MOK: variants seen among roughly 807,000 people sequenced by gnomAD.
MOK encodes MOK protein kinase.
In MOK, 59 loss-of-function variants were observed where a neutral mutation model predicts 54.2. That is an observed-to-expected ratio of 1.09 (90% CI 0.88 to 1.35). MOK has a LOEUF of 1.35. Ranked by LOEUF, MOK falls within the 40% of genes most tolerant of loss-of-function variation. The pLI is 0.00. For missense variants in MOK, 517 were observed against 526.2 expected, an observed-to-expected ratio of 0.98 and a Z score of 0.17; for synonymous variants, 210 against 202.7, an observed-to-expected ratio of 1.04 and a Z score of -0.31.
the MOK span, among the ~76,000 whole-genome samples, chr14:102,218,440 T>A: frequency 2.0e-5 from 3 of 152,234 alleles, no homozygotes; most frequent in Non-Finnish European, 1.5e-5. Context: ...TTCTCTGACG[T>A]GGCCTGTGGC....
rs1567141560 is a variant in MOK at position 102,235,289 on chromosome 14, A to G, written c.591-1500T>C. On this transcript the variant is annotated intron_variant, in intron 7 of 11. Transcript: ENST00000361847. This position sits in a 1 kb window ranked among gnomAD's most constrained non-coding sequence, Gnocchi z 4.4. ...CCTCTCTAATGTTTCCCAAATTGAGAAACGTCCAGGTTCTTCTCCGATCCC... is the reference window on the plus strand; with the variant it reads ...CCTCTCTAATGTTTCCCAAATTGAGGAACGTCCAGGTTCTTCTCCGATCCC... The G allele has an allele frequency of 2.0e-5, 3 of 152,284 alleles. No homozygotes were observed. The highest frequency in any genetic ancestry group is 4.4e-5 in the Non-Finnish European group (3 of 68,060). The allele number at this position is 152,284 out of a possible 1,614,324, so 9.4% of individuals were successfully genotyped here.
chr14:102,218,499 G>A, the MOK span, among the ~76,000 whole-genome samples: 2 of 152,268 alleles, frequency 1.3e-5, no homozygotes, highest in African/African-American at 4.8e-5. Flanking sequence ...AGCAGCACCT[G>A]CAGGGGCAGG....
In MOK at chr14:102,235,836, C is replaced by G. The variant is rs2065174289; in HGVS notation, c.591-2047G>C. Among the ~76,000 whole-genome samples the G allele has an allele frequency of 6.6e-6, 1 of 152,158 alleles. No individual in the cohort carries two copies. Among genetic ancestry groups the G allele is most frequent in the Non-Finnish European group, 1.5e-5 (1 of 68,024 alleles). On this transcript the variant is annotated intron_variant, in intron 7 of 11. Coordinates refer to ENST00000361847, the MANE Select transcript of MOK (RefSeq NM_014226.3). The surrounding 1 kb of genome is among the most constrained non-coding windows in gnomAD (Gnocchi z 4.4). ...CCCCTCAGACCCCACAACGAGACCT[C>G]CTTAACTTGGCTTTCAAAGTCTTTA...
In MOK at chr14:102,232,867, CCT is replaced by C. The variant is rs2064861253; in HGVS notation, c.693-161_693-160del. ...AGAACGTGCACCACCAAGAGGGACCCCTGATGTAAATGATGGGCTCTGTGTAG... is the reference window on the plus strand; with the variant it reads ...AGAACGTGCACCACCAAGAGGGACCCGATGTAAATGATGGGCTCTGTGTAG... On this transcript the variant is annotated intron_variant, in intron 8 of 11. Transcript: ENST00000361847. This position sits in a 1 kb window ranked among gnomAD's most constrained non-coding sequence, Gnocchi z 5.1. 4 of 586,924 alleles carry C rather than the reference CCT, an allele frequency of 6.8e-6. No individual in the cohort carries two copies. In the Admixed American group the frequency reaches 9.4e-5, roughly 14 times the overall value. The allele number at this position is 586,924 out of a possible 1,614,324, so 36.4% of individuals were successfully genotyped here.
At chr14:102,267,404 A>G (rs1480415334) in intron 2 of MOK, among the ~76,000 whole-genome samples, 1 of 152,122 alleles carries the variant, frequency 6.6e-6, no homozygotes, top group African/African-American at 2.4e-5. Context: ...CGTCTCTACT[A>G]AAAATACAAA....
chr14:102,281,512 A>G (rs184837233), intron 2 of MOK, among the ~76,000 whole-genome samples: 7,955 of 150,580 alleles, frequency 0.053, 281 homozygotes, highest in African/African-American at 0.097. Flanking sequence ...AAAAAAAAAA[A>G]AAAAGAAAAA....
At chr14:102,298,048 A>G (rs2071651572) in intron 1 of MOK, among the ~76,000 whole-genome samples, 1 of 152,134 alleles carries the variant, frequency 6.6e-6, no homozygotes, top group East Asian at 1.9e-4. Flanking sequence ...CAGTCCCATC[A>G]ACTGCCCAAG....
chr14:102,226,229 T>G (rs1434337091), downstream of MOK: 3 of 644,790 alleles, frequency 4.7e-6, no homozygotes, highest in East Asian at 2.7e-5. The surrounding 1 kb of genome is among the most constrained non-coding windows in gnomAD (Gnocchi z 4.8). Flanking sequence ...CCCCTGTGCT[T>G]CTGCCCGGTG....
intron 2 of MOK, among the ~76,000 whole-genome samples, chr14:102,276,463 C>A (rs547685994): frequency 6.6e-6 from 1 of 151,226 alleles, no homozygotes; most frequent in East Asian, 1.9e-4. Flanking sequence ...GGTGATAGAG[C>A]GACACTCTGT....
intron 2 of MOK, chr14:102,280,610 A>G (rs1438018630): frequency 6.6e-6 from 1 of 152,264 alleles, no homozygotes; most frequent in East Asian, 1.9e-4. Context: ...TACAGTAAGG[A>G]AGGCCAGCAT....
rs907063781 is a variant in MOK at position 102,230,293 on chromosome 14, C to T, written c.982-636G>A. The T allele has an allele frequency of 1.2e-4, 19 of 152,748 alleles. No homozygotes were observed. Among genetic ancestry groups the T allele is most frequent in the Admixed American group, 1.1e-3 (17 of 15,348 alleles). The allele number at this position is 152,748 out of a possible 1,614,324, so 9.5% of individuals were successfully genotyped here. ...AAACTCCTGGCCTCAAGTGATCCTA[C>T]CCTGGCCTCCCTAAGCACTGGGTTT... On this transcript the variant is annotated intron_variant, in intron 10 of 11. Coordinates refer to ENST00000361847, the MANE Select transcript of MOK (RefSeq NM_014226.3). The surrounding 1 kb of genome is among the most constrained non-coding windows in gnomAD (Gnocchi z 4.1).
At chr14:102,293,599 G>A (rs980639359) in intron 1 of MOK, among the ~76,000 whole-genome samples, 1 of 149,888 alleles carries the variant, frequency 6.7e-6, no homozygotes, top group Non-Finnish European at 1.5e-5. Context: ...TCGGGAGGCT[G>A]AGGCAGGAGA....
downstream of MOK, among the ~76,000 whole-genome samples, chr14:102,221,771 A>C (rs908322578): frequency 6.6e-6 from 1 of 152,146 alleles, no homozygotes. The surrounding 1 kb of genome is among the most constrained non-coding windows in gnomAD (Gnocchi z 4.8). Context: ...ATTTGTGTCC[A>C]CACAAGTCCA....
At chr14:102,266,622 G>A (rs1289901823) in intron 2 of MOK, among the ~76,000 whole-genome samples, 2 of 150,684 alleles carry the variant, frequency 1.3e-5, no homozygotes, top group Non-Finnish European at 3.0e-5. Context: ...CTCTCTTGTT[G>A]CCCAGGCTGG....
intron 2 of MOK, among the ~76,000 whole-genome samples, chr14:102,282,968 C>T (rs778664467): frequency 1.9e-4 from 28 of 148,118 alleles, no homozygotes; most frequent in Non-Finnish European, 3.6e-4. Flanking sequence ...TCACGAGAAT[C>T]GCTTGAACTG....
chr14:102,250,082 T>G (rs563376664), intron 7 of MOK, among the ~76,000 whole-genome samples: 1 of 152,278 alleles, frequency 6.6e-6, no homozygotes, highest in Non-Finnish European at 1.5e-5. Flanking sequence ...CTTTCCAAAA[T>G]GAAAAGTTAC....
intron 7 of MOK, among the ~76,000 whole-genome samples, chr14:102,234,552 C>T (rs1056534929): frequency 3.8e-4 from 58 of 152,108 alleles, no homozygotes; most frequent in African/African-American, 9.7e-4. Flanking sequence ...TGACAAGTTC[C>T]GCGGGAAAGG....
chr14:102,261,270 T>A (rs1490551825), intron 4 of MOK, among the ~76,000 whole-genome samples: 27 of 97,924 alleles, frequency 2.8e-4, no homozygotes, highest in African/African-American at 6.3e-4. Context: ...AAAAAAAAAA[T>A]TAGCCAAGTG....
At chr14:102,226,119 G>A (rs2064229727), downstream of MOK, 4 of 582,380 alleles carry the variant, frequency 6.9e-6, no homozygotes, top group Middle Eastern at 4.5e-4. The surrounding 1 kb of genome is among the most constrained non-coding windows in gnomAD (Gnocchi z 4.8). Flanking sequence ...ACACGAAGAC[G>A]TGCACGTCTG....
Sources: allele counts gnomAD v4.1 joint callset (sites outside exome capture counted in the v4.1 genomes callset), GRCh38; gene constraint gnomAD v4.1.1; non-coding constraint Gnocchi (gnomAD v3.1); transcripts MANE v1.5; gene names NCBI Gene and HGNC (gene_info 2026-07-23, HGNC 2026-07-21).